NHEJ1: variants seen among roughly 807,000 people sequenced by gnomAD.
NHEJ1 encodes the protein non-homologous end joining factor 1, also known as non-homologous end-joining factor 1.
A neutral mutation model predicts 39.4 loss-of-function variants in NHEJ1; 22 were observed. That is an observed-to-expected ratio of 0.56 (90% confidence interval 0.40 to 0.80). The LOEUF (loss-of-function observed/expected upper bound fraction) is 0.80, where lower values mean the gene tolerates loss of function less well. Ranked by LOEUF, NHEJ1 falls within the 30% of genes least tolerant of loss-of-function variation. The pLI is 0.00. For missense variants in NHEJ1, 329 were observed against 357.1 expected (o/e 0.92, Z 0.63); for synonymous variants, 154 against 135.6 (o/e 1.14, Z -0.94).
intron 5 of NHEJ1, among the ~76,000 whole-genome samples, chr2:219,087,209 C>T (rs1202750519): frequency 6.6e-6 from 1 of 152,174 alleles, no homozygotes; most frequent in Non-Finnish European, 1.5e-5. Context: ...ATTCAGCCAC[C>T]TCAACATCCT....
chr2:219,122,164 G>A (rs1949477556), intron 5 of NHEJ1, among the ~76,000 whole-genome samples: 1 of 152,206 alleles, frequency 6.6e-6, no homozygotes, highest in South Asian at 2.1e-4. Context: ...GGGAGCCCAG[G>A]AGGGTATTTA....
In NHEJ1 at chr2:219,074,076, G is replaced by C. The variant is rs1368724766; in HGVS notation, c.*2305C>G. On this transcript the variant is annotated 3_prime_UTR_variant, in exon 8 of 8. Coordinates refer to ENST00000356853, the MANE Select transcript of NHEJ1 (RefSeq NM_024782.3). Reference sequence around the variant, plus strand: ...CTTCGGGGCAAGAATGCCTGTGGCAGGGCCTCTGGTAGCAATGTTTCTCTA... The same window carrying C: ...CTTCGGGGCAAGAATGCCTGTGGCACGGCCTCTGGTAGCAATGTTTCTCTA... Among the ~76,000 whole-genome samples the C allele has an allele frequency of 1.3e-5, 2 of 152,244 alleles. No homozygotes were observed. The highest frequency in any genetic ancestry group is 4.8e-5 in the African/African-American group (2 of 41,460).
At chr2:219,152,258 A>G (rs1189918552) in intron 3 of NHEJ1, among the ~76,000 whole-genome samples, 1 of 152,168 alleles carries the variant, frequency 6.6e-6, no homozygotes, top group Non-Finnish European at 1.5e-5. Flanking sequence ...TCCGAGGAAA[A>G]GCTATTTATA....
chr2:219,074,376 T>C lies in NHEJ1; in HGVS notation c.*2005A>G, dbSNP rs1189614141. ...GAAGAACCGGTATTTTCTCCAAGCT[T>C]GCAGGGGAAGCCTTTCCATTTTCCA... On this transcript the variant is annotated 3_prime_UTR_variant, in exon 8 of 8. Transcript: ENST00000356853. 6.6e-6 allele frequency among the ~76,000 whole-genome samples: 1 copy of C among 152,206 alleles called. No individual in the cohort carries two copies. Among genetic ancestry groups the C allele is most frequent in the African/African-American group, 2.4e-5 (1 of 41,438 alleles).
chr2:219,125,995 C>G (rs1355384691), intron 5 of NHEJ1, among the ~76,000 whole-genome samples: 2 of 152,372 alleles, frequency 1.3e-5, no homozygotes, highest in African/African-American at 4.8e-5. Context: ...GAAAATGTCA[C>G]TGTTTCTTAG....
chr2:219,071,349 G>A lies in NHEJ1; in HGVS notation c.*5032C>T, dbSNP rs575474646. On this transcript the variant is annotated 3_prime_UTR_variant, in exon 8 of 8. Coordinates refer to ENST00000356853, the MANE Select transcript of NHEJ1 (RefSeq NM_024782.3). ...CTAGGAGGACTCTGGCCCGGGAGAGGGGGGTAGGGGTTAGGCAAACAGGCC... is the reference window on the plus strand; with the variant it reads ...CTAGGAGGACTCTGGCCCGGGAGAGAGGGGTAGGGGTTAGGCAAACAGGCC... Among the ~76,000 whole-genome samples the A allele has an allele frequency of 1.2e-4, 18 of 152,302 alleles. No individual in the cohort carries two copies. The highest frequency in any genetic ancestry group is 1.1e-3 in the Admixed American group (17 of 15,306).
At chr2:219,080,550 A>AAAAAAT (rs1171152711) in intron 5 of NHEJ1, among the ~76,000 whole-genome samples, 1 of 136,386 alleles carries the variant, frequency 7.3e-6, no homozygotes, top group African/African-American at 3.0e-5. Flanking sequence ...AATAAATAAA[A>AAAAAAT]ATATATATAT....
At chr2:219,156,602 C>T (rs1356152537) in intron 3 of NHEJ1, among the ~76,000 whole-genome samples, 1 of 152,168 alleles carries the variant, frequency 6.6e-6, no homozygotes, top group Non-Finnish European at 1.5e-5. Context: ...AGGCTTTGGA[C>T]CAGACTAATC....
rs564173319 is a variant in NHEJ1, at chr2:219,105,779, T to C, written c.589-27573A>G. 3.9e-5 allele frequency among the ~76,000 whole-genome samples: 6 copies of C among 152,296 alleles called. No homozygotes were observed. In the East Asian group the frequency reaches 1.2e-3, roughly 29 times the overall value. On this transcript the variant is annotated intron_variant, in intron 5 of 7. Coordinates refer to ENST00000356853, the MANE Select transcript of NHEJ1 (RefSeq NM_024782.3). Reference sequence around the variant, plus strand: ...CCTTTCTACTGCCTACAATCCTCCCTCCTTCAAATGGCCAGAATTAAATCT... The same window carrying C: ...CCTTTCTACTGCCTACAATCCTCCCCCCTTCAAATGGCCAGAATTAAATCT...
chr2:219,118,743 G>C (rs968126956), intron 5 of NHEJ1, among the ~76,000 whole-genome samples: 8 of 152,094 alleles, frequency 5.3e-5, no homozygotes, highest in African/African-American at 1.7e-4. Flanking sequence ...CCCGCCCCAG[G>C]GAAGGGGGAG....
chr2:219,135,400 A>C (rs1949617634), intron 5 of NHEJ1, among the ~76,000 whole-genome samples: 1 of 152,050 alleles, frequency 6.6e-6, no homozygotes, highest in Non-Finnish European at 1.5e-5. Context: ...CAAGGTCAGG[A>C]GTTTGAGACC....
At chr2:219,105,465 G>A (rs932082782) in intron 5 of NHEJ1, among the ~76,000 whole-genome samples, 1 of 152,210 alleles carries the variant, frequency 6.6e-6, no homozygotes, top group Non-Finnish European at 1.5e-5. Context: ...TCACTAGACT[G>A]CAAGCTCTAT....
At chr2:219,116,925 G>C (rs1159239790) in intron 5 of NHEJ1, among the ~76,000 whole-genome samples, 1 of 152,126 alleles carries the variant, frequency 6.6e-6, no homozygotes, top group Non-Finnish European at 1.5e-5. Flanking sequence ...GGAAGGGCTA[G>C]GGCAAACATG....
chr2:219,123,251 A>G (rs1462166056), intron 5 of NHEJ1, among the ~76,000 whole-genome samples: 1 of 152,244 alleles, frequency 6.6e-6, no homozygotes. Flanking sequence ...TATTTTGTAG[A>G]TCACACATTA....
intron 5 of NHEJ1, among the ~76,000 whole-genome samples, chr2:219,105,454 C>A (rs996097422): frequency 6.6e-6 from 1 of 152,206 alleles, no homozygotes; most frequent in Non-Finnish European, 1.5e-5. Context: ...ATTTTGACAG[C>A]TCACTAGACT....
intron 5 of NHEJ1, among the ~76,000 whole-genome samples, chr2:219,114,615 A>T (rs184448901): frequency 6.7e-4 from 102 of 152,310 alleles, no homozygotes; most frequent in African/African-American, 2.1e-3. Flanking sequence ...CCCAACAAGA[A>T]GGACGAGAAG....
chr2:219,139,820 C>T (rs1949672940), intron 5 of NHEJ1, among the ~76,000 whole-genome samples: 2 of 152,340 alleles, frequency 1.3e-5, no homozygotes, highest in South Asian at 4.1e-4. Flanking sequence ...GCTAGGACTA[C>T]AGGCGCCTGC....
rs543035740 is a variant in NHEJ1 at position 219,151,374 on chromosome 2, G to C, written c.391-3579C>G. Among the ~76,000 whole-genome samples the C allele has an allele frequency of 1.5e-4, 23 of 152,228 alleles. 1 individual carries two copies. The highest frequency in any genetic ancestry group is 5.1e-4 in the African/African-American group (21 of 41,540). On this transcript the variant is annotated intron_variant, in intron 3 of 7. Coordinates refer to ENST00000356853, the MANE Select transcript of NHEJ1 (RefSeq NM_024782.3). Reference sequence around the variant, plus strand: ...ATTTCCTCGAGTGACAGTAAATATTGTATAAAAACATGAAACATGACAAGG... The same window carrying C: ...ATTTCCTCGAGTGACAGTAAATATTCTATAAAAACATGAAACATGACAAGG...
At chr2:219,102,215 C>T (rs1274863002) in intron 5 of NHEJ1, among the ~76,000 whole-genome samples, 1 of 152,110 alleles carries the variant, frequency 6.6e-6, no homozygotes, top group African/African-American at 2.4e-5. Context: ...ATATTTGACA[C>T]TGCCAAAAAA....
Sources: gnomAD v4.1 joint callset for allele counts (sites outside exome capture counted in the v4.1 genomes callset) on GRCh38, gnomAD v4.1.1 for gene constraint, MANE v1.5 for transcripts, NCBI Gene and HGNC (gene_info 2026-07-23, HGNC 2026-07-21) for gene names.